Variants in EXT1 observed in about 807,000 individuals in gnomAD.
EXT1 encodes the protein exostosin-1.
Under a neutral mutation model 82.5 loss-of-function variants are expected in EXT1, and 20 were observed. The ratio of observed to expected loss-of-function variants is 0.24; its 90% CI spans 0.17 to 0.35. The LOEUF is 0.35. Ranked by LOEUF, EXT1 falls within the 10% of genes least tolerant of loss-of-function variation. The probability of loss-of-function intolerance (pLI) is 1.00; values close to 1 mark genes in which losing one functional copy is unlikely to be tolerated. For missense variants in EXT1, 757 were observed against 936.5 expected, an observed-to-expected ratio of 0.81 and a Z score of 2.50; for synonymous variants, 348 against 350.8, an observed-to-expected ratio of 0.99 and a Z score of 0.09.
intron 1 of EXT1, among the ~76,000 whole-genome samples, chr8:117,979,249 G>C (rs1815132600): frequency 6.6e-6 from 1 of 152,018 alleles, no homozygotes; most frequent in Admixed American, 6.5e-5. Flanking sequence ...AGCTACTCGG[G>C]AGGCTGAGGC....
intron 1 of EXT1, among the ~76,000 whole-genome samples, chr8:117,930,770 G>A (rs746225676): frequency 6.6e-6 from 1 of 152,156 alleles, no homozygotes; most frequent in Non-Finnish European, 1.5e-5. Context: ...GGTTAGTTGT[G>A]TTTAGTCATA....
intron 1 of EXT1, among the ~76,000 whole-genome samples, chr8:118,000,378 C>T (rs927701461): frequency 6.6e-6 from 1 of 152,066 alleles, no homozygotes; most frequent in African/African-American, 2.4e-5. Flanking sequence ...GCATCATGGG[C>T]ATGTCTCAAA....
intron 1 of EXT1, among the ~76,000 whole-genome samples, chr8:117,856,267 T>TTG (rs1255811155): frequency 1.5e-5 from 2 of 133,448 alleles, no homozygotes; most frequent in Admixed American, 7.6e-5. Context: ...TTTTTTTTTT[T>TTG]GTGGGGGGAC....
intron 1 of EXT1, among the ~76,000 whole-genome samples, chr8:117,956,919 A>G (rs1814597995): frequency 6.6e-6 from 1 of 152,204 alleles, no homozygotes; most frequent in Non-Finnish European, 1.5e-5. Flanking sequence ...AGGCACTACC[A>G]GCTGGGGCCT....
rs900767173 is a variant in EXT1, at chr8:118,052,375, T to A, written c.962+57710A>T. ...TGACAAAATATGGATAAACATTTTG[T>A]TTTTACTTCAGTGTCTGTTATTCTA... On this transcript the variant is annotated intron_variant, in intron 1 of 10. Coordinates refer to ENST00000378204, the MANE Select transcript of EXT1 (RefSeq NM_000127.3). 2.0e-5 allele frequency among the ~76,000 whole-genome samples: 3 copies of A among 152,272 alleles called. No homozygotes were observed. In the South Asian group the frequency reaches 6.2e-4, roughly 31 times the overall value.
At chr8:117,977,391 T>TAA (rs34970501) in intron 1 of EXT1, among the ~76,000 whole-genome samples, 78,181 of 128,810 alleles carry the variant, frequency 0.61, 22,747 homozygotes, top group Admixed American at 0.72. Flanking sequence ...TGTCTCAAAA[T>TAA]AAAAAAAAAA....
Position 117,858,829 on chromosome 8 carries a change from G to A in EXT1, c.963-21628C>T, listed in dbSNP as rs1444467951. 4.3e-3 allele frequency among the ~76,000 whole-genome samples: 185 copies of A among 42,980 alleles called. 8 individuals are homozygous for A. Among genetic ancestry groups the A allele is most frequent in the African/African-American group, 0.015 (178 of 12,214 alleles). 28.2% of individuals were successfully genotyped at this position (42,980 alleles called of 152,430 possible). Reference sequence around the variant, plus strand: ...GCAAGGCAGGAAGGAAGGAAGGAAGGAAGGAAGGAAGGAAGGAAAGAAAGA... The same window carrying A: ...GCAAGGCAGGAAGGAAGGAAGGAAGAAAGGAAGGAAGGAAGGAAAGAAAGA... On this transcript the variant is annotated intron_variant, in intron 1 of 10. Transcript: ENST00000378204.
chr8:118,073,968 T>G (rs1465339391), intron 1 of EXT1, among the ~76,000 whole-genome samples: 1 of 152,126 alleles, frequency 6.6e-6, no homozygotes, highest in Non-Finnish European at 1.5e-5. Context: ...GGAACCTTCC[T>G]TCTCAGTTAA....
rs372554668 is a variant in EXT1 at position 118,045,041 on chromosome 8, T to C, written c.962+65044A>G. Among the ~76,000 whole-genome samples the C allele has an allele frequency of 3.5e-4, 53 of 152,342 alleles. 1 individual carries two copies. The highest frequency in any genetic ancestry group is 1.2e-3 in the African/African-American group (50 of 41,584). On this transcript the variant is annotated intron_variant, in intron 1 of 10. Coordinates refer to ENST00000378204, the MANE Select transcript of EXT1 (RefSeq NM_000127.3). ...TAAGACGTAAGTCTCAGCAACCTTC[T>C]AAAAGGCTCAACCATATCGTACACA...
At chr8:118,028,358 T>C (rs1378293782) in intron 1 of EXT1, among the ~76,000 whole-genome samples, 1 of 152,180 alleles carries the variant, frequency 6.6e-6, no homozygotes, top group African/African-American at 2.4e-5. Context: ...CTCTAGAAAA[T>C]TGATGCATAA....
intron 1 of EXT1, among the ~76,000 whole-genome samples, chr8:117,994,555 G>A (rs1018374880): frequency 6.6e-6 from 1 of 152,164 alleles, no homozygotes; most frequent in African/African-American, 2.4e-5. Context: ...AGACTGCAAT[G>A]AGCCATGATC....
intron 1 of EXT1, among the ~76,000 whole-genome samples, chr8:117,915,373 C>T (rs1014360367): frequency 2.0e-4 from 27 of 133,774 alleles, no homozygotes; most frequent in African/African-American, 6.8e-4. Context: ...ATATATATAC[C>T]TGAATAGGCA....
chr8:118,031,326 A>G (rs1586353173), intron 1 of EXT1, among the ~76,000 whole-genome samples: 1 of 152,042 alleles, frequency 6.6e-6, no homozygotes, highest in African/African-American at 2.4e-5. Context: ...TTTGTTTGAG[A>G]CCAGCCTGGC....
At chr8:117,914,708 A>C (rs1389845807) in intron 1 of EXT1, among the ~76,000 whole-genome samples, 1 of 152,194 alleles carries the variant, frequency 6.6e-6, no homozygotes, top group African/African-American at 2.4e-5. Flanking sequence ...CCTCAGACTT[A>C]CTAGGGTGGG....
intron 1 of EXT1, among the ~76,000 whole-genome samples, chr8:117,916,212 A>G (rs1208890598): frequency 6.6e-6 from 1 of 152,246 alleles, no homozygotes; most frequent in Non-Finnish European, 1.5e-5. Context: ...CTTGTAATAG[A>G]AAAGTTTCAT....
chr8:117,812,543 T>G (rs1357103550), intron 8 of EXT1, among the ~76,000 whole-genome samples: 1 of 151,918 alleles, frequency 6.6e-6, no homozygotes, highest in Non-Finnish European at 1.5e-5. Context: ...ACACGCACCC[T>G]CCCCCTTCCC....
intron 1 of EXT1, among the ~76,000 whole-genome samples, chr8:117,891,100 A>T (rs1367890710): frequency 6.6e-6 from 1 of 152,196 alleles, no homozygotes; most frequent in Non-Finnish European, 1.5e-5. Flanking sequence ...ACAAGGGCCA[A>T]CTCAAGGAAA....
intron 1 of EXT1, among the ~76,000 whole-genome samples, chr8:117,934,858 T>C (rs894815712): frequency 2.0e-5 from 3 of 152,140 alleles, no homozygotes; most frequent in South Asian, 2.1e-4. Context: ...AAACTCAGGA[T>C]AGAAAACCAG....
chr8:117,814,234 G>GGAGTGTGTGT, intron 7 of EXT1, among the ~76,000 whole-genome samples: 1 of 146,738 alleles, frequency 6.8e-6, no homozygotes, highest in East Asian at 2.0e-4. Context: ...CACACACAGT[G>GGAGTGTGTGT]GTGTGTGTGT....
Sources: gnomAD v4.1 joint callset for allele counts (sites outside exome capture counted in the v4.1 genomes callset) on GRCh38, gnomAD v4.1.1 for gene constraint, MANE v1.5 for transcripts, NCBI Gene and HGNC (gene_info 2026-07-23, HGNC 2026-07-21) for gene names.